Variants in CDH3 observed in about 807,000 individuals in gnomAD.
CDH3 encodes cadherin 3, also known as cadherin-3.
CDH3 carries 54 observed loss-of-function variants against 82.0 expected under a neutral mutation model. That is an observed-to-expected ratio of 0.66 (90% confidence interval 0.53 to 0.83). The LOEUF (loss-of-function observed/expected upper bound fraction) is 0.83, where lower values mean the gene tolerates loss of function less well. Ranked by LOEUF, CDH3 falls within the 40% of genes least tolerant of loss-of-function variation. The pLI is 0.00. For synonymous variants in CDH3, 446 were observed against 437.9 expected, an observed-to-expected ratio of 1.02 and a Z score of -0.23; for missense variants, 1,054 against 1,084.6, an observed-to-expected ratio of 0.97 and a Z score of 0.40.
At chr16:68,706,581 C>T (rs1334778842) in intron 1 of CDH3, among the ~76,000 whole-genome samples, 1 of 112,216 alleles carries the variant, frequency 8.9e-6, no homozygotes, top group African/African-American at 3.5e-5. Flanking sequence ...GAGACAGAGT[C>T]TCACTCTGTT....
chr16:68,713,705 C>T (rs1047109711), intron 1 of CDH3, among the ~76,000 whole-genome samples: 2 of 152,116 alleles, frequency 1.3e-5, no homozygotes, highest in Non-Finnish European at 2.9e-5. Context: ...TCATTGGACG[C>T]CCTTCAAATC....
intron 2 of CDH3, among the ~76,000 whole-genome samples, chr16:68,723,607 C>T (rs962917129): frequency 3.3e-5 from 5 of 152,220 alleles, no homozygotes; most frequent in African/African-American, 7.2e-5. Context: ...CAATTCCTTA[C>T]ACTATGTTCT....
In CDH3 at chr16:68,687,516, C is replaced by A; in HGVS notation, c.1575C>A (p.Ser525Arg). ...CATATGTGTCATTACAAACAGGAAG[C>A]CCTCCCACCACTGGCACGGGAACCC... ...EVMVLAMDNG[S>R]PPTTGTGTLL... is the part of the protein sequence containing the mutation. Residue 525 changes from serine (S) to arginine (R), a missense_variant, in exon 12 of 16, where the codon AGC becomes AGA. Physicochemically the swap from Ser to Arg is moderately radical, Grantham distance 110. Transcript: ENST00000264012. 1 of 1,613,614 alleles carries A rather than the reference C, an allele frequency of 6.2e-7. No individual in the cohort carries two copies. Among genetic ancestry groups the A allele is most frequent in the Non-Finnish European group, 8.5e-7 (1 of 1,179,672 alleles).
intron 2 of CDH3, 131 bp from the exon 3 acceptor site, chr16:68,676,254 G>T: frequency 1.4e-6 from 1 of 720,996 alleles, no homozygotes; most frequent in Non-Finnish European, 2.5e-6. Context: ...GAGAAAGTAA[G>T]CCAAGTCTCC....
intron 12 of CDH3, among the ~76,000 whole-genome samples, chr16:68,690,007 G>T (rs202088155): frequency 2.6e-5 from 4 of 152,132 alleles, no homozygotes; most frequent in Non-Finnish European, 5.9e-5. Flanking sequence ...CTAAACCAAA[G>T]GCCTTTCTTT....
At chr16:68,693,749 C>G (rs957234888) in intron 13 of CDH3, among the ~76,000 whole-genome samples, 4 of 152,052 alleles carry the variant, frequency 2.6e-5, no homozygotes, top group Admixed American at 2.6e-4. Flanking sequence ...GTTCCATCAG[C>G]AGGCAAAAAA....
At chr16:68,723,262 T>C (rs1962183813) in intron 2 of CDH3, among the ~76,000 whole-genome samples, 1 of 152,174 alleles carries the variant, frequency 6.6e-6, no homozygotes, top group Non-Finnish European at 1.5e-5. Flanking sequence ...CAATTCCCAA[T>C]TTTTAATAGT....
rs138999100 is a variant in CDH3 at position 68,725,941 on chromosome 16, G to C, written c.*46-1212G>C. Among the ~76,000 whole-genome samples the C allele has an allele frequency of 3.4e-3, 523 of 152,178 alleles. 3 individuals carry two copies. The highest frequency in any genetic ancestry group is 0.012 in the African/African-American group (496 of 41,532). On this transcript the variant is annotated intron_variant, in intron 2 of 2. Coordinates refer to the CDH3 transcript ENST00000569080. ...ATGGTGGGACATGCCTGTAGTCCCA[G>C]CTACTCAAGAGGCTGAGGTGGAAGG... is the stretch of plus-strand genomic sequence containing the variant.
At chr16:68,645,902 G>C (rs1960045353) in intron 2 of CDH3, 152 bp downstream of exon 2, 1 of 631,698 alleles carries the variant, frequency 1.6e-6, no homozygotes, top group East Asian at 2.8e-5. Context: ...GCTGGGATTG[G>C]GGGTGGTGGC....
At chr16:68,657,887 G>T (rs576811314) in intron 2 of CDH3, among the ~76,000 whole-genome samples, 1 of 152,230 alleles carries the variant, frequency 6.6e-6, no homozygotes, top group Non-Finnish European at 1.5e-5. Context: ...ACGCTAGGAG[G>T]AGTAGAAGGT....
At chr16:68,686,345 A>G (rs573919158) in intron 11 of CDH3, 59 of 979,068 alleles carry the variant, frequency 6.0e-5, no homozygotes, top group Non-Finnish European at 9.0e-5. Flanking sequence ...GGCGCTACAC[A>G]AGAGCAGAGT....
In CDH3 at chr16:68,678,640, A is replaced by G. The variant is rs1395757324; in HGVS notation, c.530A>G (p.Glu177Gly). Residue 177 changes from glutamate (E) to glycine (G), a missense_variant, in exon 5 of 16, where the codon GAG becomes GGG. Glu to Gly is a moderately conservative substitution (Grantham distance 98, BLOSUM62 -2). Transcript: ENST00000264012. ...LLLNKPLDRE[E>G]IAKYELFGHA... Reference sequence around the variant, plus strand: ...TTGAATAAGCCACTGGACCGGGAGGAGATTGCCAAGTATGAGGCAAGTAGC... The same window carrying G: ...TTGAATAAGCCACTGGACCGGGAGGGGATTGCCAAGTATGAGGCAAGTAGC... The G allele has an allele frequency of 6.2e-7, 1 of 1,614,206 alleles. No individual in the cohort carries two copies. The highest frequency in any genetic ancestry group is 1.7e-5 in the Admixed American group (1 of 60,028).
intron 1 of CDH3, among the ~76,000 whole-genome samples, chr16:68,712,256 C>T (rs1330297478): frequency 6.6e-6 from 1 of 151,238 alleles, no homozygotes; most frequent in Non-Finnish European, 1.5e-5. Flanking sequence ...AGGCTGGTTT[C>T]CAACTCCTGG....
chr16:68,679,131 A>G (rs2152100336), intron 6 of CDH3, among the ~76,000 whole-genome samples: 1 of 152,350 alleles, frequency 6.6e-6, no homozygotes, highest in South Asian at 2.1e-4. Flanking sequence ...TCAGATGATC[A>G]GCCAAGCTTG....
chr16:68,701,748 G>A (rs1411785716), downstream of CDH3, among the ~76,000 whole-genome samples: 4 of 151,850 alleles, frequency 2.6e-5, no homozygotes, highest in South Asian at 2.1e-4. Context: ...TTTTTGGGCC[G>A]GGCGCGGTGA....
At chr16:68,675,467 C>T (rs1340128241) in intron 2 of CDH3, among the ~76,000 whole-genome samples, 3 of 152,108 alleles carry the variant, frequency 2.0e-5, no homozygotes, top group Non-Finnish European at 2.9e-5. Flanking sequence ...GTCTTGGAGT[C>T]GGGTAGACCT....
chr16:68,682,958 G>A (rs530365230), intron 9 of CDH3, among the ~76,000 whole-genome samples: 1 of 152,250 alleles, frequency 6.6e-6, no homozygotes, highest in Non-Finnish European at 1.5e-5. Flanking sequence ...GGGTCAAAAA[G>A]TCTGAATAAG....
At chr16:68,705,996 C>A (rs1961957039) in intron 1 of CDH3, among the ~76,000 whole-genome samples, 1 of 144,714 alleles carries the variant, frequency 6.9e-6, no homozygotes, top group Non-Finnish European at 1.5e-5. Context: ...ACCTGGGAGG[C>A]AGAGCTTGCA....
chr16:68,717,880 A>G lies in CDH3; in HGVS notation c.100-4545A>G, dbSNP rs867928848. ...GCTTCCACCTCCACTTTTCCCCATG[A>G]GTTAAAGCAGCACCAGGCCTTCACT... On this transcript the variant is annotated intron_variant, in intron 1 of 2. Transcript: ENST00000569080. Among the ~76,000 whole-genome samples the G allele has an allele frequency of 3.9e-5, 6 of 152,212 alleles. No homozygotes were observed. In the South Asian group the frequency reaches 1.2e-3, roughly 32 times the overall value.
Sources: gnomAD v4.1 joint callset for allele counts (sites outside exome capture counted in the v4.1 genomes callset) on GRCh38, gnomAD v4.1.1 for gene constraint, MANE v1.5 for transcripts, NCBI Gene and HGNC (gene_info 2026-07-23, HGNC 2026-07-21) for gene names.